Variants in IST1 observed in about 807,000 individuals in gnomAD.
IST1 encodes the protein IST1 factor associated with ESCRT-III.
A neutral mutation model predicts 37.0 loss-of-function variants in IST1; 23 were observed. That is an observed-to-expected ratio of 0.62 (90% CI 0.45 to 0.88). The LOEUF is 0.88. Among genes scored for constraint, IST1 ranks in the 40% least tolerant of loss-of-function variants. IST1 has a pLI of 0.00. For missense variants in IST1, 488 were observed against 445.4 expected, an observed-to-expected ratio of 1.10 and a Z score of -0.86; for synonymous variants, 180 against 161.7, an observed-to-expected ratio of 1.11 and a Z score of -0.86.
chr16:71,925,517 C>CG (rs955752486), intron 9 of IST1, among the ~76,000 whole-genome samples: 10 of 149,426 alleles, frequency 6.7e-5, no homozygotes, highest in African/African-American at 2.5e-4. Context: ...GGTTTCACCA[C>CG]GTTGGTCAGG....
chr16:71,917,107 C>T lies in IST1; in HGVS notation c.330C>T (p.Leu110=). 1 of 1,611,484 alleles carries T rather than the reference C, an allele frequency of 6.2e-7. No individual in the cohort carries two copies. The highest frequency in any genetic ancestry group is 2.2e-5 in the East Asian group (1 of 44,856). The change falls in exon 4 of 10, where the codon CTC becomes CTT. Residue 110 remains leucine, a synonymous_variant. Coordinates refer to ENST00000378799, the MANE Select transcript of IST1 (RefSeq NM_001270975.2). ...CATTGATCTGGGCTGCTCCTCGACT[C>T]CAGTCAGAAGTGGCTGAGTTGAAAA... ...VSTLIWAAPR[L]QSEVAELKIV... is the part of the protein sequence containing the mutation.
In IST1 at chr16:71,924,805, G is replaced by T. The variant is rs762852145; in HGVS notation, c.889G>T (p.Ala297Ser). 21 of 1,608,608 alleles carry T rather than the reference G, an allele frequency of 1.3e-5. No individual in the cohort carries two copies. Among genetic ancestry groups the T allele is most frequent in the Non-Finnish European group, 1.7e-5 (20 of 1,174,972 alleles). The change falls in exon 9 of 10, where the codon GCA (alanine) becomes TCA (serine). Residue 297 changes from alanine (A) to serine (S), a missense_variant. Around this residue, in one of 2 missense-constraint regions of IST1, gnomAD observed 455 missense variants for 386.2 expected, o/e 1.18. Coordinates refer to ENST00000378799, the MANE Select transcript of IST1 (RefSeq NM_001270975.2). The stretch of plus-strand genomic sequence containing the variant: ...TAATGCTGATAAGAATATCTCTTCT[G>T]CACAGATTGTTGGTGAGTAGTATCA... ...DINADKNISSAQIVGPGPKPE... is the reference protein window; with the variant it reads ...DINADKNISSSQIVGPGPKPE...
intron 1 of IST1, among the ~76,000 whole-genome samples, chr16:71,914,847 A>C (rs1326244878): frequency 1.3e-5 from 2 of 152,200 alleles, no homozygotes; most frequent in Non-Finnish European, 2.9e-5. Flanking sequence ...TTAAATTTAG[A>C]GAAATAGAAA....
chr16:71,927,007 A>G (rs1172010916), intron 9 of IST1, among the ~76,000 whole-genome samples: 1 of 152,174 alleles, frequency 6.6e-6, no homozygotes, highest in Non-Finnish European at 1.5e-5. Context: ...GAATCCTATT[A>G]TCACTCCTTG....
chr16:71,918,077 A>G (rs1025206552), intron 4 of IST1, among the ~76,000 whole-genome samples: 1 of 152,042 alleles, frequency 6.6e-6, no homozygotes, highest in Non-Finnish European at 1.5e-5. Flanking sequence ...TTAAGCTCTT[A>G]TTTGGAGGAA....
intron 1 of IST1, among the ~76,000 whole-genome samples, chr16:71,908,536 C>T (rs79162702): frequency 0.075 from 11,425 of 152,148 alleles, 1,394 homozygotes; most frequent in African/African-American, 0.26. Context: ...CCGCCTTGGC[C>T]TCCCACAGTG....
At position 71,930,012 on chromosome 16, in the gene IST1, G is replaced by C. The variant is rs1385000434; in HGVS notation, c.*2199G>C. 1.3e-6 allele frequency: 2 copies of C among 1,523,892 alleles called. No individual in the cohort carries two copies. The highest frequency in any genetic ancestry group is 1.8e-6 in the Non-Finnish European group (2 of 1,133,118). The allele number at this position is 1,523,892 out of a possible 1,614,324, so 94.4% of individuals were successfully genotyped here. On this transcript the variant is annotated 3_prime_UTR_variant, in exon 10 of 10. Coordinates refer to ENST00000378799, the MANE Select transcript of IST1 (RefSeq NM_001270975.2). ...GGGCAGTTACAGTGGAGCTTTCCCAGTGATATAACAGCATGCTAGTTTATC... is the reference window on the plus strand; with the variant it reads ...GGGCAGTTACAGTGGAGCTTTCCCACTGATATAACAGCATGCTAGTTTATC...
chr16:71,921,206 A>G (rs1026957869), intron 5 of IST1, 137 bp from the exon 6 acceptor site: 6 of 633,534 alleles, frequency 9.5e-6, no homozygotes, highest in South Asian at 5.7e-5. Context: ...GACTCTGAAA[A>G]AAATCATTTA....
chr16:71,915,592 T>C, intron 1 of IST1, 34 bp from the exon 2 acceptor site: 2 of 1,490,634 alleles, frequency 1.3e-6, no homozygotes, highest in Non-Finnish European at 1.8e-6. Context: ...TAATGTTGAC[T>C]TGAAAATAGT....
chr16:71,896,405 A>G (rs1045346130), intron 1 of IST1, among the ~76,000 whole-genome samples: 11 of 152,000 alleles, frequency 7.2e-5, no homozygotes, highest in African/African-American at 2.7e-4. Flanking sequence ...ATTATGTGTA[A>G]TATTTTAACT....
At position 71,930,184 on chromosome 16, in the gene IST1, C is replaced by T; in HGVS notation, c.*2371C>T. ...CCAGGACTGGGTCTAAAGCGAAAAC[C>T]TGGGAAAACAATAAGAACACTTGCA... On this transcript the variant is annotated 3_prime_UTR_variant, in exon 10 of 10. Transcript: ENST00000378799. 1.3e-6 allele frequency: 2 copies of T among 1,539,586 alleles called. No individual in the cohort carries two copies. The highest frequency in any genetic ancestry group is 1.8e-6 in the Non-Finnish European group (2 of 1,142,486).
rs2037859677 is a variant in IST1 at position 71,929,773 on chromosome 16, A to G, written c.*1960A>G. ...TACCAAAGATTTTTAAAAAATTAGT[A>G]AATGTAAAGATACTATTTCTTTAAT... On this transcript the variant is annotated 3_prime_UTR_variant, in exon 10 of 10. Transcript: ENST00000378799. 8.2e-7 allele frequency: 1 copy of G among 1,214,520 alleles called. No homozygotes were observed. The highest frequency in any genetic ancestry group is 2.6e-5 in the East Asian group (1 of 39,106). 75.2% of individuals were successfully genotyped at this position (1,214,520 alleles called of 1,614,324 possible).
intron 1 of IST1, among the ~76,000 whole-genome samples, chr16:71,910,971 G>A (rs924754079): frequency 2.0e-5 from 3 of 152,032 alleles, no homozygotes; most frequent in African/African-American, 7.3e-5. Context: ...TTTTCAGCTT[G>A]ATTTAAAAAC....
At chr16:71,921,587 AATAAATGTGCCTGCAT>A in intron 6 of IST1, 134 bp downstream of exon 6, 1 of 608,396 alleles carries the variant, frequency 1.6e-6, no homozygotes, top group Non-Finnish European at 2.9e-6. Flanking sequence ...CCTTTATGAC[AATAAATGTGCCTGCAT>A]ATCTCACAGG....
chr16:71,922,609 ATG>A lies in IST1; in HGVS notation c.689_690del (p.Met230ThrfsTer53). ...PVGGPDGTVP[M>X]PMPMPMPMPS... is the part of the protein sequence containing the mutation. ...TGGTGGACCTGATGGAACGGTGCCAATGCCCATGCCCATGCCCATGCCTATGC... is the reference window on the plus strand; with the variant it reads ...TGGTGGACCTGATGGAACGGTGCCAACCCATGCCCATGCCCATGCCTATGC... On this transcript the variant is annotated frameshift_variant, in exon 7 of 10. Coordinates refer to ENST00000378799, the MANE Select transcript of IST1 (RefSeq NM_001270975.2). LOFTEE classifies it high-confidence loss of function. 5.7e-6 allele frequency: 4 copies of A among 696,058 alleles called. No individual in the cohort carries two copies. The highest frequency in any genetic ancestry group is 7.7e-6 in the Non-Finnish European group (4 of 517,276). The allele number at this position is 696,058 out of a possible 1,614,324, so 43.1% of individuals were successfully genotyped here. A position where few individuals can be genotyped will look rare whatever the true frequency, so the allele number is the denominator to read the frequency against.
intron 9 of IST1, 93 bp downstream of exon 9, chr16:71,924,910 T>A: frequency 1.2e-6 from 1 of 853,488 alleles, no homozygotes; most frequent in South Asian, 1.4e-5. Context: ...TGTTTCCATG[T>A]CCATGGACTT....
intron 1 of IST1, among the ~76,000 whole-genome samples, chr16:71,909,394 C>T (rs1218783908): frequency 2.6e-5 from 4 of 152,150 alleles, no homozygotes; most frequent in East Asian, 1.9e-4. Context: ...CATGGACCAC[C>T]GTACTTGGCC....
At chr16:71,919,781 G>A (rs181490398) in intron 4 of IST1, among the ~76,000 whole-genome samples, 2 of 152,302 alleles carry the variant, frequency 1.3e-5, no homozygotes, top group Admixed American at 1.3e-4. Flanking sequence ...GCTGTTAGAA[G>A]CTGGTGATAG....
At chr16:71,926,054 G>A (rs1199066852) in intron 9 of IST1, among the ~76,000 whole-genome samples, 1 of 152,092 alleles carries the variant, frequency 6.6e-6, no homozygotes, top group Non-Finnish European at 1.5e-5. Flanking sequence ...GGCCTAGGTG[G>A]GCAGATCACC....
Sources: gnomAD v4.1 joint callset for allele counts (sites outside exome capture counted in the v4.1 genomes callset) on GRCh38, gnomAD v4.1.1 for gene constraint, gnomAD v4.1.1 regional missense constraint, MANE v1.5 for transcripts, NCBI Gene and HGNC (gene_info 2026-07-23, HGNC 2026-07-21) for gene names.